PSMD11: variants seen among roughly 807,000 people sequenced by gnomAD.
The protein encoded by PSMD11 is 26S proteasome non-ATPase regulatory subunit 11.
In PSMD11, 5 loss-of-function variants were observed where a neutral mutation model predicts 62.3. The ratio of observed to expected loss-of-function variants is 0.08; its 90% CI spans 0.04 to 0.17. The LOEUF (loss-of-function observed/expected upper bound fraction) is 0.17, where lower values mean the gene tolerates loss of function less well. Among genes scored for constraint, PSMD11 ranks in the 10% least tolerant of loss-of-function variants. The pLI is 1.00. For synonymous variants in PSMD11, 191 were observed against 191.8 expected (o/e 1.00, Z 0.03); for missense variants, 310 against 512.9 (o/e 0.60, Z 3.82).
At chr17:32,454,735 A>G in intron 3 of PSMD11, 116 bp downstream of exon 3, 1 of 1,099,774 alleles carries the variant, frequency 9.1e-7, no homozygotes, top group Non-Finnish European at 1.3e-6. Flanking sequence ...AGGACAGCGC[A>G]GGACTTATCA....
chr17:32,475,054 A>T (rs913586634), intron 8 of PSMD11, among the ~76,000 whole-genome samples: 13 of 152,204 alleles, frequency 8.5e-5, no homozygotes, highest in African/African-American at 3.1e-4. Flanking sequence ...TGAGGGACTT[A>T]GGGAACTGAA....
Position 32,464,072 on chromosome 17 carries a change from C to G in PSMD11, c.342C>G (p.Ile114Met), listed in dbSNP as rs140675261. ...AGGTCGAGCTGTGTTTAGAGTGCATCGAATGGGCCAAGTCAGAGAAAAGAA... is the reference window on the plus strand; with the variant it reads ...AGGTCGAGCTGTGTTTAGAGTGCATGGAATGGGCCAAGTCAGAGAAAAGAA... Reference protein sequence around the residue: ...GQEVELCLECIEWAKSEKRTF... With the variant: ...GQEVELCLECMEWAKSEKRTF... The change falls in exon 4 of 14, where the codon ATC (isoleucine) becomes ATG (methionine). Residue 114 changes from isoleucine (I) to methionine (M), a missense_variant. Coordinates refer to ENST00000261712, the MANE Select transcript of PSMD11 (RefSeq NM_002815.4). 6.2e-7 allele frequency: 1 copy of G among 1,614,060 alleles called. No homozygotes were observed. Among genetic ancestry groups the G allele is most frequent in the Non-Finnish European group, 8.5e-7 (1 of 1,179,980 alleles).
intron 7 of PSMD11, 171 bp downstream of exon 7, chr17:32,474,116 T>G: frequency 1.5e-6 from 1 of 681,144 alleles, no homozygotes. Context: ...TCCAGAAAAC[T>G]TTCGCTTGCT....
intron 10 of PSMD11, 24 bp from the exon 11 acceptor site, chr17:32,479,827 G>C: frequency 6.2e-7 from 1 of 1,611,602 alleles, no homozygotes; most frequent in Non-Finnish European, 8.5e-7. Context: ...TTCAGTGTTG[G>C]TGTCTCTCTG....
rs184114230 is a variant in PSMD11 at position 32,444,789 on chromosome 17, C to T, written c.91+175C>T. On this transcript the variant is annotated intron_variant, in intron 1 of 13. Transcript: ENST00000261712. ...GCTCCCCAGAGCCTCCCAGGTCTCA[C>T]TCTTGTGGGAGGGCTTGAGGCAATC... 1.1e-3 allele frequency: 796 copies of T among 705,122 alleles called. 4 individuals are homozygous for T. Among genetic ancestry groups the T allele is most frequent in the African/African-American group, 6.6e-3 (349 of 52,980 alleles). 43.7% of individuals were successfully genotyped at this position (705,122 alleles called of 1,614,324 possible).
intron 3 of PSMD11, among the ~76,000 whole-genome samples, chr17:32,460,105 G>A (rs970951306): frequency 2.0e-5 from 3 of 152,130 alleles, no homozygotes; most frequent in African/African-American, 7.2e-5. Flanking sequence ...TGTGGCCCAC[G>A]TTGGGGTGCA....
intron 2 of PSMD11, among the ~76,000 whole-genome samples, chr17:32,452,316 T>A: frequency 6.6e-6 from 1 of 152,314 alleles, no homozygotes; most frequent in East Asian, 1.9e-4. Flanking sequence ...TGCCATAATA[T>A]TAATATCACA....
At chr17:32,479,131 T>C in intron 9 of PSMD11, 120 bp from the exon 10 acceptor site, 1 of 1,302,510 alleles carries the variant, frequency 7.7e-7, no homozygotes, top group Non-Finnish European at 1.1e-6. Flanking sequence ...TCCCCAGATC[T>C]CCCCTAACTT....
At chr17:32,480,239 T>C (rs1908449027) in intron 12 of PSMD11, 42 bp downstream of exon 12, 1 of 1,584,702 alleles carries the variant, frequency 6.3e-7, no homozygotes, top group Non-Finnish European at 8.7e-7. Context: ...GTGGTGGTGA[T>C]GAGATGGTTG....
chr17:32,444,851 C>T, intron 1 of PSMD11: 1 of 570,296 alleles, frequency 1.8e-6, no homozygotes, highest in Non-Finnish European at 3.0e-6. Context: ...TCACGGGGGG[C>T]TCAGCGTAGG....
chr17:32,476,361 G>GTAGC (rs1269555061), intron 8 of PSMD11, among the ~76,000 whole-genome samples: 1 of 152,192 alleles, frequency 6.6e-6, no homozygotes, highest in Admixed American at 6.5e-5. Flanking sequence ...GCAAGGTCAG[G>GTAGC]TAGCTAATCA....
At chr17:32,453,791 A>G (rs529463693) in intron 2 of PSMD11, among the ~76,000 whole-genome samples, 2 of 152,308 alleles carry the variant, frequency 1.3e-5, no homozygotes, top group East Asian at 1.9e-4. Context: ...TTTAGAGTTC[A>G]TATACTGCCC....
intron 3 of PSMD11, among the ~76,000 whole-genome samples, chr17:32,462,733 C>G (rs1415228085): frequency 6.6e-6 from 1 of 152,124 alleles, no homozygotes; most frequent in African/African-American, 2.4e-5. Context: ...GTTGCCCAGG[C>G]TGGAGTGCAA....
chr17:32,457,053 C>T (rs1409434247), intron 3 of PSMD11, among the ~76,000 whole-genome samples: 1 of 152,168 alleles, frequency 6.6e-6, no homozygotes, highest in Admixed American at 6.5e-5. Flanking sequence ...GATTTCCTGG[C>T]CTTTGTCATA....
At chr17:32,445,415 T>C (rs1026262209) in intron 1 of PSMD11, 1 of 152,170 alleles carries the variant, frequency 6.6e-6, no homozygotes, top group African/African-American at 2.4e-5. Flanking sequence ...GTCGGCTGCA[T>C]GTTGCCGGAA....
At chr17:32,463,654 C>T (rs1310633018) in intron 3 of PSMD11, among the ~76,000 whole-genome samples, 2 of 152,104 alleles carry the variant, frequency 1.3e-5, no homozygotes, top group Admixed American at 6.6e-5. Context: ...AGAATTTCTC[C>T]CCTTTATTAC....
chr17:32,449,803 A>G (rs1907435843), intron 2 of PSMD11, among the ~76,000 whole-genome samples: 1 of 152,214 alleles, frequency 6.6e-6, no homozygotes, highest in Admixed American at 6.5e-5. Context: ...GCTCCTGAGA[A>G]CAGAAAATAT....
At chr17:32,474,652 G>C (rs1318564617) in intron 7 of PSMD11, 112 bp from the exon 8 acceptor site, 2 of 1,049,844 alleles carry the variant, frequency 1.9e-6, no homozygotes, top group Non-Finnish European at 3.0e-6. Flanking sequence ...CTGATTGTCT[G>C]TGTGGGCAGA....
At chr17:32,453,787 G>A (rs1597831710) in intron 2 of PSMD11, among the ~76,000 whole-genome samples, 2 of 152,314 alleles carry the variant, frequency 1.3e-5, no homozygotes, top group Admixed American at 6.5e-5. Context: ...TTTCTTTAGA[G>A]TTCATATACT....
Sources: gnomAD v4.1 joint callset for allele counts (sites outside exome capture counted in the v4.1 genomes callset) on GRCh38, gnomAD v4.1.1 for gene constraint, MANE v1.5 for transcripts, NCBI Gene and HGNC (gene_info 2026-07-23, HGNC 2026-07-21) for gene names.